The following FXN variants were observed in gnomAD, a reference collection of about 807,000 sequenced individuals.
FXN encodes the protein frataxin, mitochondrial.
Under a neutral mutation model 22.4 loss-of-function variants are expected in FXN, and 14 were observed. That is an observed-to-expected ratio of 0.62 (90% CI 0.41 to 0.98). The LOEUF (loss-of-function observed/expected upper bound fraction) is 0.98. Among genes scored for constraint, FXN ranks in the 50% least tolerant of loss-of-function variants. The pLI is 0.00. For synonymous variants in FXN, 120 were observed against 114.1 expected, an observed-to-expected ratio of 1.05 and a Z score of -0.33; for missense variants, 267 against 268.4, an observed-to-expected ratio of 0.99 and a Z score of 0.04.
Position 69,059,391 on chromosome 9 carries a change from CTTTTTTTT to C in FXN, c.385-5527_385-5520del, listed in dbSNP as rs35159671. Reference sequence around the variant, plus strand: ...AAAAACCCCTGCTCAGAGGCAGCATCTTTTTTTTTTTTTTTTTTTTTTTTTTTGAGAGA... The same window carrying C: ...AAAAACCCCTGCTCAGAGGCAGCATCTTTTTTTTTTTTTTTTTTTGAGAGA... On this transcript the variant is annotated intron_variant, in intron 3 of 4. Coordinates refer to ENST00000484259, the MANE Select transcript of FXN (RefSeq NM_000144.5). Among the ~76,000 whole-genome samples the C allele has an allele frequency of 1.9e-3, 117 of 62,996 alleles. 2 individuals carry two copies. The highest frequency in any genetic ancestry group is 6.9e-3 in the African/African-American group (102 of 14,712). The allele number at this position is 62,996 out of a possible 152,430, so 41.3% of individuals were successfully genotyped here.
chr9:69,067,207 A>G (rs1445895776), intron 4 of FXN, among the ~76,000 whole-genome samples: 7 of 152,226 alleles, frequency 4.6e-5, no homozygotes, highest in Non-Finnish European at 1.0e-4. Context: ...TCCGGGCCTC[A>G]CCACCAGGGC....
In FXN at chr9:69,073,654, C is replaced by T. The variant is rs1564341561; in HGVS notation, c.*892C>T. ...ATAGTTCAGCCACAAAGTAGTTGTC[C>T]CTTTGTGGACAAGTTTCCCAAATTC... On this transcript the variant is annotated 3_prime_UTR_variant, in exon 5 of 5. Transcript: ENST00000484259. 2 of 985,082 alleles carry T rather than the reference C, an allele frequency of 2.0e-6. No individual in the cohort carries two copies. The highest frequency in any genetic ancestry group is 2.4e-6 in the Non-Finnish European group (2 of 829,890). The allele number at this position is 985,082 out of a possible 1,614,324, so 61.0% of individuals were successfully genotyped here. A position where few individuals can be genotyped will look rare whatever the true frequency, so the allele number is the denominator to read the frequency against.
intron 4 of FXN, among the ~76,000 whole-genome samples, chr9:69,071,954 A>G (rs1019820710): frequency 6.6e-6 from 1 of 152,222 alleles, no homozygotes; most frequent in African/African-American, 2.4e-5. Flanking sequence ...TAATCTGGAG[A>G]TGACTTAAAG....
intron 3 of FXN, among the ~76,000 whole-genome samples, chr9:69,053,850 G>A (rs1253460099): frequency 3.3e-5 from 5 of 152,108 alleles, no homozygotes; most frequent in Non-Finnish European, 7.3e-5. Flanking sequence ...GTGCATTCCT[G>A]GGAAGCATAT....
At chr9:69,036,860 G>A (rs1406297134) in intron 1 of FXN, among the ~76,000 whole-genome samples, 1 of 152,166 alleles carries the variant, frequency 6.6e-6, no homozygotes, top group Non-Finnish European at 1.5e-5. Flanking sequence ...TGAGGGTCTT[G>A]AAGATGCCAA....
At chr9:69,047,338 CACACACACACAG>C (rs1360775563) in intron 2 of FXN, among the ~76,000 whole-genome samples, 3 of 149,394 alleles carry the variant, frequency 2.0e-5, no homozygotes, top group African/African-American at 7.4e-5. Flanking sequence ...CAGACACAGA[CACACACACACAG>C]ACACACACAC....
Position 69,074,547 on chromosome 9 carries a change from A to G in FXN, c.*1785A>G. 1 of 985,130 alleles carries G rather than the reference A, an allele frequency of 1.0e-6. No homozygotes were observed. The highest frequency in any genetic ancestry group is 1.2e-6 in the Non-Finnish European group (1 of 829,786). The allele number at this position is 985,130 out of a possible 1,614,324, so 61.0% of individuals were successfully genotyped here. A position where few individuals can be genotyped will look rare whatever the true frequency, so the allele number is the denominator to read the frequency against. ...AAAAAAAAAAAAGGAGGGTTTATTA[A>G]TGAGAAGTTTGTATTAATATGTAGC... On this transcript the variant is annotated 3_prime_UTR_variant, in exon 5 of 5. Coordinates refer to ENST00000484259, the MANE Select transcript of FXN (RefSeq NM_000144.5).
At position 69,035,787 on chromosome 9, in the gene FXN, G is replaced by T. The variant is rs1831535584; in HGVS notation, c.5G>T (p.Trp2Leu). ...GGGCGGCAGACCCGGAGCAGCATGT[G>T]GACTCTCGGGCGCCGCGCAGTAGCC... M[W>L]TLGRRAVAGL... Residue 2 changes from tryptophan (W) to leucine (L), a missense_variant, in exon 1 of 5, where the codon TGG (tryptophan) becomes TTG (leucine). Transcript: ENST00000484259. 2 of 1,510,262 alleles carry T rather than the reference G, an allele frequency of 1.3e-6. No individual in the cohort carries two copies. The highest frequency in any genetic ancestry group is 5.2e-5 in the East Asian group (2 of 38,476). 93.6% of individuals were successfully genotyped at this position (1,510,262 alleles called of 1,614,324 possible). A position where few individuals can be genotyped will look rare whatever the true frequency, so the allele number is the denominator to read the frequency against.
At chr9:69,068,077 C>T (rs946225356) in intron 4 of FXN, among the ~76,000 whole-genome samples, 2 of 152,150 alleles carry the variant, frequency 1.3e-5, no homozygotes, top group Non-Finnish European at 2.9e-5. Context: ...GTAGGTGGGA[C>T]CGGGCTTCCC....
At chr9:69,036,078 T>C (rs1831546671) in intron 1 of FXN, 131 bp downstream of exon 1, 2 of 794,838 alleles carry the variant, frequency 2.5e-6, no homozygotes, top group Non-Finnish European at 3.3e-6. Flanking sequence ...CCCCGCTCCT[T>C]CTCAGGGCGG....
chr9:69,041,781 A>G (rs1831661043), intron 1 of FXN, among the ~76,000 whole-genome samples: 2 of 152,184 alleles, frequency 1.3e-5, no homozygotes, highest in African/African-American at 2.4e-5. Context: ...CTTCAGGCCC[A>G]GAAACTATCT....
intron 3 of FXN, among the ~76,000 whole-genome samples, chr9:69,064,152 A>ACTAGC (rs1832125505): frequency 6.6e-6 from 1 of 152,212 alleles, no homozygotes; most frequent in Admixed American, 6.5e-5. Context: ...AATACAGAGA[A>ACTAGC]CTAGCCCTGT....
rs1324431190 is a variant in FXN at position 69,076,222 on chromosome 9, T to TG, written c.*3460_*3461insG. 58 of 945,692 alleles carry TG rather than the reference T, an allele frequency of 6.1e-5. No homozygotes were observed. The highest frequency in any genetic ancestry group is 6.7e-5 in the Non-Finnish European group (55 of 815,430). 58.6% of individuals were successfully genotyped at this position (945,692 alleles called of 1,614,324 possible). A position where few individuals can be genotyped will look rare whatever the true frequency, so the allele number is the denominator to read the frequency against. Reference sequence around the variant, plus strand: ...GACACTGACAGTGGCCTCATGTTTTTTTTTTTTTTAATCTATAAAATGGAG... The same window carrying TG: ...GACACTGACAGTGGCCTCATGTTTTTGTTTTTTTTTAATCTATAAAATGGAG... On this transcript the variant is annotated 3_prime_UTR_variant, in exon 5 of 5. Coordinates refer to ENST00000484259, the MANE Select transcript of FXN (RefSeq NM_000144.5).
chr9:69,057,951 G>A (rs1410504378), intron 3 of FXN, among the ~76,000 whole-genome samples: 1 of 152,134 alleles, frequency 6.6e-6, no homozygotes, highest in Admixed American at 6.5e-5. Flanking sequence ...CCCAGTGTCT[G>A]GAACAGTGCC....
At chr9:69,050,111 G>C (rs1482711517) in intron 2 of FXN, among the ~76,000 whole-genome samples, 1 of 152,128 alleles carries the variant, frequency 6.6e-6, no homozygotes, top group Non-Finnish European at 1.5e-5. Flanking sequence ...AGTTCTGCCT[G>C]TTGTTTTACT....
At chr9:69,067,546 A>T (rs1832191877) in intron 4 of FXN, among the ~76,000 whole-genome samples, 1 of 152,186 alleles carries the variant, frequency 6.6e-6, no homozygotes, top group Admixed American at 6.5e-5. Flanking sequence ...AACTTGGCTA[A>T]AGAAGTCCCC....
chr9:69,058,331 C>T (rs1832001121), intron 3 of FXN, among the ~76,000 whole-genome samples: 1 of 152,134 alleles, frequency 6.6e-6, no homozygotes, highest in African/African-American at 2.4e-5. Flanking sequence ...TCTACTTGAC[C>T]TAGTAAAATC....
In FXN at chr9:69,076,955, C is replaced by T. The variant is rs1157064276; in HGVS notation, c.*4193C>T. Reference sequence around the variant, plus strand: ...TTTGAGACAGAGTCTTGCTCTGTCACCCAGGCTGGAGTGCAGTGGCACGAT... The same window carrying T: ...TTTGAGACAGAGTCTTGCTCTGTCATCCAGGCTGGAGTGCAGTGGCACGAT... On this transcript the variant is annotated 3_prime_UTR_variant, in exon 5 of 5. Coordinates refer to ENST00000484259, the MANE Select transcript of FXN (RefSeq NM_000144.5). 1.0e-6 allele frequency: 1 copy of T among 971,880 alleles called. No homozygotes were observed. Among genetic ancestry groups the T allele is most frequent in the Non-Finnish European group, 1.2e-6 (1 of 817,624 alleles). The allele number at this position is 971,880 out of a possible 1,614,324, so 60.2% of individuals were successfully genotyped here. A position where few individuals can be genotyped will look rare whatever the true frequency, so the allele number is the denominator to read the frequency against.
chr9:69,047,618 G>A (rs555554397), intron 2 of FXN, among the ~76,000 whole-genome samples: 2 of 152,202 alleles, frequency 1.3e-5, no homozygotes, highest in Non-Finnish European at 2.9e-5. Context: ...CCGGGGCAAG[G>A]AGCCTTCACA....
Sources: gnomAD v4.1 joint callset for allele counts (sites outside exome capture counted in the v4.1 genomes callset) on GRCh38, gnomAD v4.1.1 for gene constraint, MANE v1.5 for transcripts, NCBI Gene and HGNC (gene_info 2026-07-23, HGNC 2026-07-21) for gene names.